Variants in SOD2 observed in about 807,000 individuals in gnomAD.
SOD2 encodes superoxide dismutase 2.
SOD2 carries 11 observed loss-of-function variants against 27.0 expected under a neutral mutation model. That is an observed-to-expected ratio of 0.41 (90% CI 0.26 to 0.67). The LOEUF (loss-of-function observed/expected upper bound fraction) is 0.67, where lower values mean the gene tolerates loss of function less well. Among genes scored for constraint, SOD2 ranks in the 30% least tolerant of loss-of-function variants. SOD2 has a pLI of 0.34. For synonymous variants in SOD2, 105 were observed against 103.0 expected (o/e 1.02, Z -0.12); for missense variants, 250 against 274.5 (o/e 0.91, Z 0.63).
intron 1 of SOD2, among the ~76,000 whole-genome samples, chr6:159,721,675 CTTTTT>C (rs55950207): frequency 2.1e-3 from 169 of 82,258 alleles, no homozygotes; most frequent in African/African-American, 8.2e-3. Flanking sequence ...TGCGGCTGAC[CTTTTT>C]TTTTTTTTTT....
rs1434279900 is a variant in SOD2, at chr6:159,679,097, CA to C, written c.*3395del. 1 of 152,128 alleles carries C rather than the reference CA, an allele frequency of 6.6e-6. No individual in the cohort carries two copies. Among genetic ancestry groups the C allele is most frequent in the Non-Finnish European group, 1.5e-5 (1 of 68,010 alleles). The allele number at this position is 152,128 out of a possible 1,614,324, so 9.4% of individuals were successfully genotyped here. ...TAGGATTTTTAAAGTTTTTGACATG[CA>C]AGCATAATGCAGACCTCTTTGATGG... On this transcript the variant is annotated 3_prime_UTR_variant, in exon 5 of 5. Transcript: ENST00000538183.
At chr6:159,756,834 C>G (rs1780021506) in intron 1 of SOD2, among the ~76,000 whole-genome samples, 2 of 152,106 alleles carry the variant, frequency 1.3e-5, no homozygotes, top group Non-Finnish European at 2.9e-5. Context: ...AAACTCCTGG[C>G]CCCAAGGGAT....
intron 1 of SOD2, chr6:159,753,658 T>C (rs1234087730): frequency 6.4e-7 from 1 of 1,563,448 alleles, no homozygotes; most frequent in East Asian, 2.2e-5. Flanking sequence ...CAACTTTGCA[T>C]TGGCTTTTTA....
upstream of SOD2, among the ~76,000 whole-genome samples, chr6:159,729,509 T>C (rs1778435133): frequency 6.6e-6 from 1 of 152,258 alleles, no homozygotes; most frequent in South Asian, 2.1e-4. Flanking sequence ...TTAATAGAAT[T>C]TAATCTTTTC....
rs1475828444 is a variant in SOD2 at position 159,673,640 on chromosome 6, A to G, written c.*8853T>C. On this transcript the variant is annotated 3_prime_UTR_variant, in exon 5 of 5. Coordinates refer to ENST00000538183, the MANE Select transcript of SOD2 (RefSeq NM_000636.4). ...TACAGCACTAAGTGCCCACAAGAGA[A>G]AGCAGGAAAGATCTAAAATTGACAC... 1 of 152,252 alleles carries G rather than the reference A, an allele frequency of 6.6e-6. No individual in the cohort carries two copies. Among genetic ancestry groups the G allele is most frequent in the Admixed American group, 6.5e-5 (1 of 15,288 alleles). 9.4% of individuals were successfully genotyped at this position (152,252 alleles called of 1,614,324 possible).
intron 1 of SOD2, among the ~76,000 whole-genome samples, chr6:159,699,065 C>T (rs1451160639): frequency 6.6e-6 from 1 of 151,988 alleles, no homozygotes; most frequent in African/African-American, 2.4e-5. Context: ...TAAACAGCTG[C>T]CACTCCCTCT....
At position 159,680,804 on chromosome 6, in the gene SOD2, C is replaced by T. The variant is rs940088706; in HGVS notation, c.*1689G>A. 6.6e-6 allele frequency: 1 copy of T among 151,900 alleles called. No homozygotes were observed. The highest frequency in any genetic ancestry group is 2.4e-5 in the African/African-American group (1 of 41,348). 9.4% of individuals were successfully genotyped at this position (151,900 alleles called of 1,614,324 possible). A position where few individuals can be genotyped will look rare whatever the true frequency, so the allele number is the denominator to read the frequency against. ...TACAAAAAGTAGCCAGGCATGGTAGCATGCACCTGTAATCCCAGCTATTCA... is the reference window on the plus strand; with the variant it reads ...TACAAAAAGTAGCCAGGCATGGTAGTATGCACCTGTAATCCCAGCTATTCA... On this transcript the variant is annotated 3_prime_UTR_variant, in exon 5 of 5. Coordinates refer to ENST00000538183, the MANE Select transcript of SOD2 (RefSeq NM_000636.4).
At chr6:159,755,449 G>A (rs536683630) in intron 1 of SOD2, 5 of 1,613,930 alleles carry the variant, frequency 3.1e-6, no homozygotes, top group Non-Finnish European at 4.2e-6. Context: ...ACTCTCCCAC[G>A]GGCAGTGAAA....
intron 1 of SOD2, among the ~76,000 whole-genome samples, chr6:159,700,546 C>T (rs1024447898): frequency 1.3e-5 from 2 of 150,800 alleles, no homozygotes; most frequent in Non-Finnish European, 2.9e-5. Flanking sequence ...CCCAGCTACT[C>T]GGGAGGCTGA....
At chr6:159,736,358 A>G (rs554606642) in intron 1 of SOD2, 1 of 1,305,292 alleles carries the variant, frequency 7.7e-7, no homozygotes, top group South Asian at 1.3e-5. Context: ...TTTTTTAAGC[A>G]CTTTAAAAAA....
chr6:159,724,495 C>G (rs74618657), intron 1 of SOD2, among the ~76,000 whole-genome samples: 1,810 of 152,192 alleles, frequency 0.012, 45 homozygotes, highest in African/African-American at 0.042. Flanking sequence ...CACAGTTGAC[C>G]CTTGAACAAC....
Position 159,674,169 on chromosome 6 carries a change from A to C in SOD2, c.*8324T>G, listed in dbSNP as rs1431568870. On this transcript the variant is annotated 3_prime_UTR_variant, in exon 5 of 5. Coordinates refer to ENST00000538183, the MANE Select transcript of SOD2 (RefSeq NM_000636.4). ...CACAGCCGAATTCTACCAGAGGTACAAGGAAGAGCTGGTACCATTCCTTCT... is the reference window on the plus strand; with the variant it reads ...CACAGCCGAATTCTACCAGAGGTACCAGGAAGAGCTGGTACCATTCCTTCT... 1.3e-5 allele frequency: 2 copies of C among 152,246 alleles called. No homozygotes were observed. The allele number at this position is 152,246 out of a possible 1,614,324, so 9.4% of individuals were successfully genotyped here.
upstream of SOD2, among the ~76,000 whole-genome samples, chr6:159,697,610 T>C (rs1336386416): frequency 2.6e-5 from 4 of 152,192 alleles, no homozygotes; most frequent in African/African-American, 9.7e-5. Flanking sequence ...AAAGTGGGCA[T>C]GTGTCGCAGG....
chr6:159,741,555 T>C (rs1311654466), intron 1 of SOD2: 1 of 152,396 alleles, frequency 6.6e-6, no homozygotes, highest in Non-Finnish European at 1.5e-5. Context: ...ATCAGTGATA[T>C]CAAAGTGAAT....
rs374399885 is a variant in SOD2 at position 159,685,038 on chromosome 6, TA to T, written c.344-6del. 12,292 of 1,367,894 alleles carry T rather than the reference TA, an allele frequency of 9.0e-3. 421 individuals are homozygous for T. The African/African-American group carries it at 0.11, about 12-fold the overall frequency. The allele number at this position is 1,367,894 out of a possible 1,614,324, so 84.7% of individuals were successfully genotyped here. On this transcript the variant is annotated splice_polypyrimidine_tract_variant and splice_region_variant and intron_variant, in intron 3 of 4. Transcript: ENST00000538183. ...TGATGGCTTCCAGCAACTCCCCTAT[TA>T]AAAAAAAAATCCAAAACCACCCACA...
chr6:159,736,158 A>G, intron 1 of SOD2: 2 of 1,117,074 alleles, frequency 1.8e-6, no homozygotes, highest in South Asian at 1.4e-5. Context: ...ACAGTAATTT[A>G]GTTCACTAAT....
chr6:159,687,982 G>A, intron 3 of SOD2, 144 bp downstream of exon 3: 1 of 615,678 alleles, frequency 1.6e-6, no homozygotes, highest in Non-Finnish European at 2.9e-6. Context: ...CTGTACTCCA[G>A]CCTGGGCAAC....
intron 1 of SOD2, among the ~76,000 whole-genome samples, chr6:159,716,691 T>C (rs1482492894): frequency 6.6e-6 from 1 of 152,148 alleles, no homozygotes; most frequent in Non-Finnish European, 1.5e-5. Flanking sequence ...AAAGGGACAC[T>C]TTCAGCTGTC....
At chr6:159,727,904 G>A (rs1379140131), upstream of SOD2, among the ~76,000 whole-genome samples, 1 of 152,194 alleles carries the variant, frequency 6.6e-6, no homozygotes. Context: ...TTTTATCTCT[G>A]TCCTCCGTCC....
Sources: gnomAD v4.1 joint callset for allele counts (sites outside exome capture counted in the v4.1 genomes callset) on GRCh38, gnomAD v4.1.1 for gene constraint, MANE v1.5 for transcripts, NCBI Gene and HGNC (gene_info 2026-07-23, HGNC 2026-07-21) for gene names.